The following SLC2A13 variants were observed in gnomAD, a reference collection of about 807,000 sequenced individuals.
SLC2A13 encodes the protein proton myo-inositol cotransporter.
Under a neutral mutation model 64.4 loss-of-function variants are expected in SLC2A13, and 32 were observed. The observed-to-expected ratio is 0.50, with a 90% CI of 0.37 to 0.67. The LOEUF (loss-of-function observed/expected upper bound fraction) is 0.67, where lower values mean the gene tolerates loss of function less well. SLC2A13 is among the 30% of genes least tolerant of loss of function. The probability of loss-of-function intolerance (pLI) is 0.00; values close to 1 mark genes in which losing one functional copy is unlikely to be tolerated. For synonymous variants in SLC2A13, 338 were observed against 327.1 expected, an observed-to-expected ratio of 1.03 and a Z score of -0.36; for missense variants, 743 against 829.2, an observed-to-expected ratio of 0.90 and a Z score of 1.28.
At chr12:39,828,435 G>T (rs1942752523) in intron 7 of SLC2A13, among the ~76,000 whole-genome samples, 1 of 151,916 alleles carries the variant, frequency 6.6e-6, no homozygotes. Flanking sequence ...AGAGTGAGTT[G>T]TTGAATTAAT....
intron 4 of SLC2A13, among the ~76,000 whole-genome samples, chr12:39,912,097 G>T (rs1945442108): frequency 6.6e-6 from 1 of 151,890 alleles, no homozygotes; most frequent in Non-Finnish European, 1.5e-5. Context: ...CCTCCACTCA[G>T]TTCCTTTTTC....
intron 1 of SLC2A13, among the ~76,000 whole-genome samples, chr12:40,097,431 C>T (rs1157181934): frequency 1.3e-5 from 2 of 152,062 alleles, no homozygotes; most frequent in African/African-American, 2.4e-5. Flanking sequence ...AGTGAAAAAG[C>T]AACCAATGGA....
chr12:39,857,660 C>T (rs1943643608), intron 6 of SLC2A13, among the ~76,000 whole-genome samples: 1 of 152,148 alleles, frequency 6.6e-6, no homozygotes, highest in Non-Finnish European at 1.5e-5. Context: ...TCCTATTACC[C>T]TTTGAAGGCT....
chr12:39,797,744 A>ATACG (rs1555237531), intron 7 of SLC2A13, among the ~76,000 whole-genome samples: 1 of 150,228 alleles, frequency 6.7e-6, no homozygotes, highest in Non-Finnish European at 1.5e-5. Context: ...ACACACACAC[A>ATACG]CACACACACA....
At chr12:39,938,624 T>C (rs1945963134) in intron 4 of SLC2A13, among the ~76,000 whole-genome samples, 1 of 151,910 alleles carries the variant, frequency 6.6e-6, no homozygotes, top group Non-Finnish European at 1.5e-5. Context: ...TTTCATCATT[T>C]GTTAGCATGA....
At chr12:39,846,490 T>C (rs1943317763) in intron 6 of SLC2A13, among the ~76,000 whole-genome samples, 1 of 152,198 alleles carries the variant, frequency 6.6e-6, no homozygotes, top group African/African-American at 2.4e-5. Context: ...TCTCACTCTG[T>C]CACCCAGGGT....
At chr12:39,814,719 C>A (rs1290606785) in intron 7 of SLC2A13, among the ~76,000 whole-genome samples, 1 of 152,186 alleles carries the variant, frequency 6.6e-6, no homozygotes, top group African/African-American at 2.4e-5. Context: ...CCCTGCCTAT[C>A]CTTCAAGGCC....
chr12:40,048,305 T>C, intron 1 of SLC2A13, 95 bp from the exon 2 acceptor site: 2 of 1,266,060 alleles, frequency 1.6e-6, no homozygotes, highest in Non-Finnish European at 2.1e-6. Context: ...CTTACATATA[T>C]GGGCTTGGTT....
chr12:39,796,769 GA>G (rs1941590008), intron 7 of SLC2A13, among the ~76,000 whole-genome samples: 1 of 152,136 alleles, frequency 6.6e-6, no homozygotes, highest in African/African-American at 2.4e-5. Context: ...CTAACAATAA[GA>G]ATGTAGCATC....
intron 1 of SLC2A13, among the ~76,000 whole-genome samples, chr12:40,077,434 TC>T (rs1938221272): frequency 6.6e-6 from 1 of 152,226 alleles, no homozygotes; most frequent in Admixed American, 6.5e-5. Context: ...CTTGTTATTG[TC>T]GACTTTGTCA....
chr12:39,840,061 TCA>T (rs2135871088), intron 6 of SLC2A13, among the ~76,000 whole-genome samples: 1 of 152,204 alleles, frequency 6.6e-6, no homozygotes, highest in Admixed American at 6.6e-5. Context: ...AGACAGAGTC[TCA>T]CTCTGTCACC....
intron 3 of SLC2A13, among the ~76,000 whole-genome samples, chr12:39,985,921 G>A (rs1947023221): frequency 6.6e-6 from 1 of 152,018 alleles, no homozygotes; most frequent in Non-Finnish European, 1.5e-5. Context: ...ATAAACTTAG[G>A]GGTTTATATA....
intron 1 of SLC2A13, among the ~76,000 whole-genome samples, chr12:40,077,210 T>C (rs1184557169): frequency 4.6e-5 from 7 of 152,152 alleles, no homozygotes; most frequent in Non-Finnish European, 8.8e-5. Context: ...GGAGTCTTCA[T>C]CATGGAATCT....
intron 3 of SLC2A13, among the ~76,000 whole-genome samples, chr12:39,989,514 T>C (rs1482351492): frequency 2.6e-5 from 4 of 152,216 alleles, no homozygotes; most frequent in African/African-American, 9.6e-5. Context: ...CAATGGTGCC[T>C]GGCATGTAAC....
chr12:39,811,286 A>G (rs1422791649), intron 7 of SLC2A13, among the ~76,000 whole-genome samples: 2 of 151,996 alleles, frequency 1.3e-5, no homozygotes, highest in Non-Finnish European at 2.9e-5. Context: ...TACTTCATCT[A>G]TTGCTTTTAC....
intron 4 of SLC2A13, among the ~76,000 whole-genome samples, chr12:39,933,618 T>C (rs1945867555): frequency 6.6e-6 from 1 of 152,180 alleles, no homozygotes; most frequent in Non-Finnish European, 1.5e-5. Flanking sequence ...CGTCTGAAAA[T>C]TTAAAATATC....
chr12:39,781,372 G>A (rs931224693), intron 7 of SLC2A13, among the ~76,000 whole-genome samples: 1 of 91,128 alleles, frequency 1.1e-5, no homozygotes, highest in African/African-American at 4.6e-5. Context: ...CACTGAGGGA[G>A]CCCCGCACAG....
At chr12:39,970,699 T>C (rs1043033721) in intron 3 of SLC2A13, among the ~76,000 whole-genome samples, 13 of 152,200 alleles carry the variant, frequency 8.5e-5, no homozygotes, top group African/African-American at 3.1e-4. Flanking sequence ...CACACAATTT[T>C]CATCTCTAAT....
intron 4 of SLC2A13, among the ~76,000 whole-genome samples, chr12:39,897,157 G>T (rs1944943652): frequency 6.6e-6 from 1 of 152,104 alleles, no homozygotes; most frequent in African/African-American, 2.4e-5. Flanking sequence ...GATTTATTCT[G>T]CCTTCTGGTT....
Sources: allele counts gnomAD v4.1 joint callset (sites outside exome capture counted in the v4.1 genomes callset), GRCh38; gene constraint gnomAD v4.1.1; transcripts MANE v1.5; gene names NCBI Gene and HGNC (gene_info 2026-07-23, HGNC 2026-07-21).